BMPR1B: variants seen among roughly 807,000 people sequenced by gnomAD.
BMPR1B encodes the protein bone morphogenetic protein receptor type-1B.
In BMPR1B, 12 loss-of-function variants were observed where a neutral mutation model predicts 59.1. The observed-to-expected ratio is 0.20, with a 90% CI of 0.13 to 0.33. BMPR1B has a LOEUF of 0.33. Among genes scored for constraint, BMPR1B ranks in the 10% least tolerant of loss-of-function variants. The pLI is 1.00. For synonymous variants in BMPR1B, 237 were observed against 207.3 expected (o/e 1.14, Z -1.23); for missense variants, 550 against 610.9 (o/e 0.90, Z 1.05).
At chr4:95,033,485 C>G (rs1725026875) in intron 3 of BMPR1B, among the ~76,000 whole-genome samples, 1 of 152,034 alleles carries the variant, frequency 6.6e-6, no homozygotes. Flanking sequence ...TAAGATAAGT[C>G]TCCAACTTCC....
chr4:95,098,963 G>T (rs748325072), intron 3 of BMPR1B, among the ~76,000 whole-genome samples: 3 of 152,122 alleles, frequency 2.0e-5, no homozygotes, highest in Non-Finnish European at 2.9e-5. Context: ...TGATCTGCCT[G>T]CCTCAGCCTC....
chr4:95,010,009 A>G (rs1723110067), intron 3 of BMPR1B, among the ~76,000 whole-genome samples: 1 of 152,184 alleles, frequency 6.6e-6, no homozygotes, highest in African/African-American at 2.4e-5. Context: ...AGACAAAGGA[A>G]ACTTGAAAGA....
intron 2 of BMPR1B, among the ~76,000 whole-genome samples, chr4:94,925,371 T>G (rs1728845844): frequency 6.6e-6 from 1 of 152,170 alleles, no homozygotes. Context: ...TCTGTAATTC[T>G]GAGGCAATAC....
rs1735355871 is a variant in BMPR1B, at chr4:95,155,480, T to C, written c.*807T>C. 6.7e-5 allele frequency: 2 copies of C among 29,720 alleles called. No homozygotes were observed. 1.8% of individuals were successfully genotyped at this position (29,720 alleles called of 1,614,324 possible). On this transcript the variant is annotated 3_prime_UTR_variant, in exon 13 of 13. Coordinates refer to ENST00000515059, the MANE Select transcript of BMPR1B (RefSeq NM_001203.3). ...TTCATTAAACACAAAGAAAGCTTTT[T>C]TTTTTTTTTTTTTTTTTTTTTTTTT...
In BMPR1B at chr4:94,936,619, T is replaced by C. The variant is rs1729310416; in HGVS notation, c.-112-59421T>C. 2.6e-5 allele frequency among the ~76,000 whole-genome samples: 4 copies of C among 152,178 alleles called. No homozygotes were observed. In the South Asian group the frequency reaches 8.3e-4, roughly 31 times the overall value. Reference sequence around the variant, plus strand: ...GATAAAGAGTTTCCAGTGTAGGCTTTAAAATATTTATCTTGATCTGTTTCT... The same window carrying C: ...GATAAAGAGTTTCCAGTGTAGGCTTCAAAATATTTATCTTGATCTGTTTCT... On this transcript the variant is annotated intron_variant, in intron 2 of 12. Transcript: ENST00000515059.
rs573844628 is a variant in BMPR1B at position 95,056,584 on chromosome 4, G to A, written c.-17-47824G>A. ...TGTCTATGTCTGTCTCTCTCTGAGG[G>A]CCTTGTGCACGTTCCACTCTCGCTG... On this transcript the variant is annotated intron_variant, in intron 3 of 12. Coordinates refer to ENST00000515059, the MANE Select transcript of BMPR1B (RefSeq NM_001203.3). 9.9e-4 allele frequency among the ~76,000 whole-genome samples: 150 copies of A among 152,272 alleles called. 4 individuals carry two copies. Among genetic ancestry groups the A allele is most frequent in the Admixed American group, 9.5e-3 (145 of 15,290 alleles).
intron 1 of BMPR1B, among the ~76,000 whole-genome samples, chr4:94,836,917 T>C (rs963646446): frequency 6.7e-6 from 1 of 149,688 alleles, no homozygotes; most frequent in Admixed American, 6.6e-5. Flanking sequence ...CTTTAATCCA[T>C]CTTGAATTGA....
intron 1 of BMPR1B, among the ~76,000 whole-genome samples, chr4:94,806,700 C>G (rs1723615047): frequency 6.6e-6 from 1 of 152,138 alleles, no homozygotes; most frequent in African/African-American, 2.4e-5. Context: ...TTCATTGCTT[C>G]CAGATAAAAT....
chr4:95,139,452 G>T (rs1579148381), intron 10 of BMPR1B, among the ~76,000 whole-genome samples: 3 of 152,168 alleles, frequency 2.0e-5, no homozygotes. Flanking sequence ...TGTCAGACAG[G>T]GATGTTTAAG....
chr4:94,789,730 G>T (rs1175895956), intron 1 of BMPR1B, among the ~76,000 whole-genome samples: 1 of 151,990 alleles, frequency 6.6e-6, no homozygotes, highest in Non-Finnish European at 1.5e-5. Context: ...TTCCAACAAT[G>T]CAAAAACCAC....
chr4:94,844,585 A>T (rs978030397), intron 1 of BMPR1B, among the ~76,000 whole-genome samples: 1 of 152,140 alleles, frequency 6.6e-6, no homozygotes, highest in African/African-American at 2.4e-5. Context: ...GGTACTATGT[A>T]GAGGAGCCTG....
intron 2 of BMPR1B, among the ~76,000 whole-genome samples, chr4:94,980,055 G>A (rs1042161021): frequency 2.0e-5 from 3 of 152,170 alleles, no homozygotes; most frequent in African/African-American, 4.8e-5. Flanking sequence ...GTCAGGAGAC[G>A]ATCTTCCCTG....
At chr4:95,077,150 G>C (rs1341177837) in intron 3 of BMPR1B, among the ~76,000 whole-genome samples, 1 of 152,106 alleles carries the variant, frequency 6.6e-6, no homozygotes, top group South Asian at 2.1e-4. Context: ...CTTGTATTTT[G>C]TAGTAATGGA....
At chr4:94,889,660 T>C (rs957526015) in intron 2 of BMPR1B, among the ~76,000 whole-genome samples, 4 of 152,082 alleles carry the variant, frequency 2.6e-5, no homozygotes, top group Non-Finnish European at 4.4e-5. Flanking sequence ...ATAGCCATAA[T>C]ATACCACAGC....
chr4:94,860,435 T>G (rs547123123), intron 1 of BMPR1B, among the ~76,000 whole-genome samples: 1 of 152,292 alleles, frequency 6.6e-6, no homozygotes, highest in East Asian at 1.9e-4. Context: ...GGATTGCTTC[T>G]TACTGAATTT....
At chr4:95,099,158 T>G (rs1027128404) in intron 3 of BMPR1B, among the ~76,000 whole-genome samples, 1 of 152,138 alleles carries the variant, frequency 6.6e-6, no homozygotes, top group Admixed American at 6.6e-5. Context: ...GTGGATTTAG[T>G]GTTAACTACC....
At chr4:94,771,219 G>A (rs1722174672) in intron 1 of BMPR1B, among the ~76,000 whole-genome samples, 1 of 152,172 alleles carries the variant, frequency 6.6e-6, no homozygotes, top group Admixed American at 6.5e-5. Context: ...ATTGAAGATA[G>A]TAGTTACTGT....
intron 4 of BMPR1B, among the ~76,000 whole-genome samples, chr4:95,105,087 C>G (rs1731105901): frequency 6.6e-6 from 1 of 152,084 alleles, no homozygotes; most frequent in South Asian, 2.1e-4. Context: ...CTAGAAAATA[C>G]TCTTTAATAG....
At chr4:94,890,747 A>G (rs1342571497) in intron 2 of BMPR1B, among the ~76,000 whole-genome samples, 3 of 152,044 alleles carry the variant, frequency 2.0e-5, no homozygotes, top group African/African-American at 7.2e-5. Flanking sequence ...GAAGAGAGAC[A>G]GTGCATGCTC....
Sources: allele counts gnomAD v4.1 joint callset (sites outside exome capture counted in the v4.1 genomes callset), GRCh38; gene constraint gnomAD v4.1.1; transcripts MANE v1.5; gene names NCBI Gene and HGNC (gene_info 2026-07-23, HGNC 2026-07-21).